The following EPN3 variants were observed in gnomAD, a reference collection of about 807,000 sequenced individuals.
The protein encoded by EPN3 is epsin 3.
A neutral mutation model predicts 55.5 loss-of-function variants in EPN3; 56 were observed. The ratio of observed to expected loss-of-function variants is 1.01; its 90% CI spans 0.81 to 1.26. The LOEUF (loss-of-function observed/expected upper bound fraction) is 1.26, where lower values mean the gene tolerates loss of function less well. EPN3 is among the 50% of genes most tolerant of loss of function. The pLI is 0.00. For missense variants in EPN3, 927 were observed against 853.4 expected (o/e 1.09, Z -1.07); for synonymous variants, 449 against 375.2 (o/e 1.20, Z -2.27).
chr17:50,538,894 C>T lies in EPN3; in HGVS notation c.692C>T (p.Pro231Leu), dbSNP rs1373231025. The change falls in exon 4 of 10, where the codon CCA becomes CTA. Residue 231 changes from proline (P) to leucine (L), a missense_variant. Pro to Leu is a moderately conservative substitution (Grantham distance 98). Transcript: ENST00000268933. ...SREEAEKPVP[P>L]ASHRDEDLQL... ...TCTCTTCCTCCGCAGCCTGTCCCCC[C>T]AGCCTCCCACAGGGACGAGGACCTG... is the stretch of plus-strand genomic sequence containing the variant. 2 of 1,605,310 alleles carry T rather than the reference C, an allele frequency of 1.2e-6. No individual in the cohort carries two copies. Among genetic ancestry groups the T allele is most frequent in the Non-Finnish European group, 1.7e-6 (2 of 1,174,858 alleles).
intron 3 of EPN3, 52 bp from the exon 4 acceptor site, chr17:50,538,832 T>G: frequency 7.0e-7 from 1 of 1,418,908 alleles, no homozygotes; most frequent in Non-Finnish European, 9.6e-7. Context: ...ACTGCCCTTC[T>G]GGTCCCAAGG....
Position 50,538,217 on chromosome 17 carries a change from C to G in EPN3, c.681+20C>G. Reference sequence around the variant, plus strand: ...GAGAAGGTGAGGCCATGCAGCCCCACTGCGGTGGGGAGGGGATGGGCTAGG... The same window carrying G: ...GAGAAGGTGAGGCCATGCAGCCCCAGTGCGGTGGGGAGGGGATGGGCTAGG... On this transcript the variant is annotated intron_variant, in intron 3 of 9. Transcript: ENST00000268933. 1 of 1,591,422 alleles carries G rather than the reference C, an allele frequency of 6.3e-7. No individual in the cohort carries two copies.
At position 50,540,942 on chromosome 17, in the gene EPN3, C is replaced by G. The variant is rs370071952; in HGVS notation, c.1129C>G (p.Pro377Ala). ...LSSSEPWGRT[P>A]VLPAGPPTTD... ...CTCCTCTGAGCCCTGGGGCAGGACC[C>G]CAGTGCTGCCTGCTGGGCCCCCCAC... The change falls in exon 7 of 10, where the codon CCA (proline) becomes GCA (alanine). Residue 377 changes from proline to alanine, a missense_variant. Transcript: ENST00000268933. 6.8e-5 allele frequency: 110 copies of G among 1,613,662 alleles called. No individual in the cohort carries two copies. Among genetic ancestry groups the G allele is most frequent in the Non-Finnish European group, 8.8e-5 (104 of 1,179,972 alleles).
At chr17:50,537,968 G>A (rs2306001) in intron 2 of EPN3, 111 bp from the exon 3 acceptor site, 80,593 of 900,114 alleles carry the variant, frequency 0.09, 4,303 homozygotes, top group Non-Finnish European at 0.11. Flanking sequence ...GGCCTCAACG[G>A]CCGTTGTTCC....
rs2034829660 is a variant in EPN3 at position 50,540,313 on chromosome 17, G to A, written c.958G>A (p.Ala320Thr). 1.2e-6 allele frequency: 2 copies of A among 1,612,022 alleles called. No homozygotes were observed. The highest frequency in any genetic ancestry group is 1.7e-6 in the Non-Finnish European group (2 of 1,179,910). ...ALAPPSTHCS[A>T]DPWDIPGFRP... ...GGCCCCGCCCTCCACACACTGCTCT[G>A]CTGACCCATGGGACATCCCAGGTGG... The change falls in exon 6 of 10, where the codon GCT becomes ACT. Residue 320 changes from alanine to threonine, a missense_variant. By Grantham distance (58) the Ala-to-Thr change is moderately conservative (BLOSUM62 0). Coordinates refer to ENST00000268933, the MANE Select transcript of EPN3 (RefSeq NM_017957.3).
intron 7 of EPN3, 54 bp downstream of exon 7, chr17:50,541,116 G>T: frequency 6.3e-7 from 1 of 1,577,204 alleles, no homozygotes. Context: ...TCCAGGCAGG[G>T]CCAAGGGGCA....
At position 50,540,803 on chromosome 17, in the gene EPN3, G is replaced by C. The variant is rs372785882; in HGVS notation, c.990G>C (p.Pro330=). 1 of 1,609,120 alleles carries C rather than the reference G, an allele frequency of 6.2e-7. No homozygotes were observed. The highest frequency in any genetic ancestry group is 1.3e-5 in the African/African-American group (1 of 74,804). ...CTGTTCCCATTTCAGGTTTTAGGCC[G>C]AACACAGAGGCCAGTGGATCCTCCT... ...ADPWDIPGFR[P]NTEASGSSWG... is the part of the protein sequence containing the mutation. The change falls in exon 7 of 10, where the codon CCG becomes CCC. Residue 330 remains proline, a synonymous_variant. Coordinates refer to ENST00000268933, the MANE Select transcript of EPN3 (RefSeq NM_017957.3).
In EPN3 at chr17:50,538,958, C is replaced by A; in HGVS notation, c.756C>A (p.His252Gln). The A allele has an allele frequency of 6.2e-7, 1 of 1,604,272 alleles. No individual in the cohort carries two copies. Among genetic ancestry groups the A allele is most frequent in the Admixed American group, 1.7e-5 (1 of 59,182 alleles). ...CTCTGCGCCTGAGCCGGCAGGAGCA[C>A]GAGAAGGTAGTGGGCCGAGCCCGCT... ...QLALRLSRQEHEKEVRSWQGD... is the reference protein window; with the variant it reads ...QLALRLSRQEQEKEVRSWQGD... The change falls in exon 4 of 10, where the codon CAC becomes CAA. Residue 252 changes from histidine (H) to glutamine (Q), a missense_variant. By Grantham distance (24) the His-to-Gln change is conservative. Coordinates refer to ENST00000268933, the MANE Select transcript of EPN3 (RefSeq NM_017957.3).
In EPN3 at chr17:50,541,271, CCA is replaced by C; in HGVS notation, c.1295_1296del (p.Thr432ArgfsTer79). On this transcript the variant is annotated frameshift_variant, in exon 8 of 10. Coordinates refer to ENST00000268933, the MANE Select transcript of EPN3 (RefSeq NM_017957.3). LOFTEE classifies it high-confidence loss of function. ...GACCCATTTGCCAAACCTCCAGAATCCACAGAGACCAAGGAGGGGCTGGAGCA... is the reference window on the plus strand; with the variant it reads ...GACCCATTTGCCAAACCTCCAGAATCCAGAGACCAAGGAGGGGCTGGAGCA... 1.2e-6 allele frequency: 2 copies of C among 1,613,626 alleles called. No individual in the cohort carries two copies. The highest frequency in any genetic ancestry group is 1.7e-6 in the Non-Finnish European group (2 of 1,180,020).
rs147845782 is a variant in EPN3, at chr17:50,538,176, G to A, written c.660G>A (p.Met220Ile). The A allele has an allele frequency of 1.9e-5, 31 of 1,611,748 alleles. No homozygotes were observed. In the African/African-American group the frequency reaches 3.9e-4, roughly 20 times the overall value. ...EELQLQLALA[M>I]SREEAEKPVP... The stretch of plus-strand genomic sequence containing the variant: ...TGCAGCTGCAGCTGGCCCTCGCCAT[G>A]AGCCGTGAGGAGGCAGAGAAGGTGA... The change falls in exon 3 of 10, where the codon ATG (methionine) becomes ATA (isoleucine). Residue 220 changes from methionine to isoleucine, a missense_variant. Transcript: ENST00000268933.
intron 5 of EPN3, 46 bp downstream of exon 5, chr17:50,539,361 T>G (rs750776369): frequency 8.1e-6 from 13 of 1,610,884 alleles, no homozygotes; most frequent in Non-Finnish European, 1.1e-5. Flanking sequence ...GCCTAAGAGA[T>G]GGACTGAGTA....
chr17:50,533,601 T>G (rs1244889145), intron 1 of EPN3, among the ~76,000 whole-genome samples: 2 of 152,204 alleles, frequency 1.3e-5, no homozygotes, highest in East Asian at 3.8e-4. Context: ...TTGCTGGGGA[T>G]GAGCGATCTG....
In EPN3 at chr17:50,537,102, C is replaced by A; in HGVS notation, c.546C>A (p.Ser182=). The change falls in exon 2 of 10, where the codon TCC becomes TCA. Residue 182 remains serine (S), a synonymous_variant. Transcript: ENST00000268933. Reference sequence around the variant, plus strand: ...AGGACTACAGCCGCTCCCGGGGCTCCCCGTCCTCCTACAACTGTGAGTAAG... The same window carrying A: ...AGGACTACAGCCGCTCCCGGGGCTCACCGTCCTCCTACAACTGTGAGTAAG... ...YGEDYSRSRG[S]PSSYNSSSSS... is the part of the protein sequence containing the mutation. The A allele has an allele frequency of 6.2e-7, 1 of 1,604,218 alleles. No homozygotes were observed.
rs760142577 is a variant in EPN3 at position 50,536,824 on chromosome 17, G to A, written c.268G>A (p.Glu90Lys). ...GGACTACCTGCTCAAGACGGGCTCCGAGCGGGTGGCCCACCAGTGCCGCGA... is the reference window on the plus strand; with the variant it reads ...GGACTACCTGCTCAAGACGGGCTCCAAGCGGGTGGCCCACCAGTGCCGCGA... The part of the protein sequence containing the change: ...LLDYLLKTGS[E>K]RVAHQCRENL... Residue 90 changes from glutamate (E) to lysine (K), a missense_variant, in exon 2 of 10, where the codon GAG (glutamate) becomes AAG (lysine). Glu to Lys is a moderately conservative substitution (Grantham distance 56, BLOSUM62 1). Transcript: ENST00000268933. The A allele has an allele frequency of 2.0e-5, 33 of 1,614,132 alleles. No individual in the cohort carries two copies. Among genetic ancestry groups the A allele is most frequent in the Admixed American group, 3.3e-5 (2 of 60,016 alleles).
At position 50,542,145 on chromosome 17, in the gene EPN3, C is replaced by T. The variant is rs1434646175; in HGVS notation, c.1887C>T (p.Asn629=). The T allele has an allele frequency of 3.3e-6, 5 of 1,504,820 alleles. No homozygotes were observed. The African/African-American group carries it at 4.4e-5, about 13-fold the overall frequency. The allele number at this position is 1,504,820 out of a possible 1,614,324, so 93.2% of individuals were successfully genotyped here. A position where few individuals can be genotyped will look rare whatever the true frequency, so the allele number is the denominator to read the frequency against. The change falls in exon 10 of 10, where the codon AAC becomes AAT. Residue 629 remains asparagine (N), a synonymous_variant. Transcript: ENST00000268933. Reference sequence around the variant, plus strand: ...CCCCGCCCCCGCAGACCGGCACCAACCCCTTCCTCTGAGCCCCGCCCCGTC... The same window carrying T: ...CCCCGCCCCCGCAGACCGGCACCAATCCCTTCCTCTGAGCCCCGCCCCGTC... ...PRPPPPQTGT[N]PFL
In EPN3 at chr17:50,542,291, T is replaced by C; in HGVS notation, c.*134T>C. The stretch of plus-strand genomic sequence containing the variant: ...GGCGGCTGGTATCCCGCGGCGGCTC[T>C]GGAAGCTGGACGCGGACCACGGCCC... On this transcript the variant is annotated 3_prime_UTR_variant, in exon 10 of 10. Transcript: ENST00000268933. 1 of 976,928 alleles carries C rather than the reference T, an allele frequency of 1.0e-6. No individual in the cohort carries two copies. The highest frequency in any genetic ancestry group is 2.2e-5 in the South Asian group (1 of 46,510). The allele number at this position is 976,928 out of a possible 1,614,324, so 60.5% of individuals were successfully genotyped here.
At chr17:50,541,761 G>T (rs2034852188) in intron 9 of EPN3, 67 bp downstream of exon 9, 3 of 1,606,836 alleles carry the variant, frequency 1.9e-6, no homozygotes, top group East Asian at 4.5e-5. Context: ...CGCCGGAGGA[G>T]CCCACTCTTC....
chr17:50,539,054 C>A, intron 4 of EPN3, 90 bp downstream of exon 4: 5 of 1,536,044 alleles, frequency 3.3e-6, no homozygotes, highest in Middle Eastern at 2.4e-4. Flanking sequence ...CCGCTGTACC[C>A]GGTGGCCCTG....
chr17:50,534,485 G>A, intron 1 of EPN3: 1 of 985,540 alleles, frequency 1.0e-6, no homozygotes, highest in Non-Finnish European at 1.2e-6. Flanking sequence ...GGGCTTTGGT[G>A]CACATTATTT....
Sources: allele counts gnomAD v4.1 joint callset (sites outside exome capture counted in the v4.1 genomes callset), GRCh38; gene constraint gnomAD v4.1.1; transcripts MANE v1.5; gene names NCBI Gene and HGNC (gene_info 2026-07-23, HGNC 2026-07-21).